NCOA1: variants seen among roughly 807,000 people sequenced by gnomAD.
NCOA1 encodes the protein Hin-2 protein.
NCOA1 carries 35 observed loss-of-function variants against 150.9 expected under a neutral mutation model. The ratio of observed to expected loss-of-function variants is 0.23; its 90% CI spans 0.18 to 0.31. The LOEUF is 0.31. Among genes scored for constraint, NCOA1 ranks in the 10% least tolerant of loss-of-function variants. The pLI is 1.00. For synonymous variants in NCOA1, 590 were observed against 630.0 expected, an observed-to-expected ratio of 0.94 and a Z score of 0.95; for missense variants, 1,491 against 1,749.3, an observed-to-expected ratio of 0.85 and a Z score of 2.63.
chr2:24,625,501 C>A (rs6748433), intron 3 of NCOA1, among the ~76,000 whole-genome samples: 9,173 of 150,820 alleles, frequency 0.061, 294 homozygotes, highest in East Asian at 0.11. Context: ...TGTTTTATTT[C>A]TTTCACTGAT....
intron 22 of NCOA1, 200 bp from the exon 23 acceptor site, chr2:24,768,009 GATTTTATTTTTA>G: frequency 6.6e-7 from 1 of 1,520,426 alleles, no homozygotes. Context: ...TTCCAATTTT[GATTTTATTTTTA>G]AAGTGTGAAC....
chr2:24,634,836 C>G (rs945093562), intron 3 of NCOA1, among the ~76,000 whole-genome samples: 10 of 151,904 alleles, frequency 6.6e-5, no homozygotes, highest in African/African-American at 2.4e-4. Flanking sequence ...TTCAGCCCCC[C>G]AACTGAGTAG....
At chr2:24,534,535 T>C (rs1473286326) in intron 1 of NCOA1, among the ~76,000 whole-genome samples, 8 of 152,164 alleles carry the variant, frequency 5.3e-5, no homozygotes, top group Non-Finnish European at 1.2e-4. Flanking sequence ...CTTTTAATTG[T>C]AATGTTAGGG....
At chr2:24,520,451 G>T (rs1381186143) in intron 1 of NCOA1, among the ~76,000 whole-genome samples, 1 of 152,156 alleles carries the variant, frequency 6.6e-6, no homozygotes, top group Non-Finnish European at 1.5e-5. Context: ...CAACTTGAAT[G>T]AATATCAAAA....
chr2:24,600,190 A>G (rs1241541060), intron 3 of NCOA1, among the ~76,000 whole-genome samples: 1 of 151,964 alleles, frequency 6.6e-6, no homozygotes, highest in Non-Finnish European at 1.5e-5. Context: ...CAGCATTGCG[A>G]TTATGTTTTT....
At chr2:24,623,259 T>C (rs937998789) in intron 3 of NCOA1, among the ~76,000 whole-genome samples, 2 of 152,170 alleles carry the variant, frequency 1.3e-5, no homozygotes, top group African/African-American at 4.8e-5. Flanking sequence ...AAAAGTGATA[T>C]AGTAAGAGTA....
intron 4 of NCOA1, among the ~76,000 whole-genome samples, chr2:24,656,539 CA>C (rs1407258629): frequency 4.6e-5 from 7 of 152,194 alleles, no homozygotes; most frequent in African/African-American, 1.7e-4. Flanking sequence ...TAGTTACCTA[CA>C]ATGCTATAGA....
At position 24,741,915 on chromosome 2, in the gene NCOA1, T is replaced by TCCC. The variant is rs1663622135; in HGVS notation, c.3436_3438dup (p.Pro1146dup). 6.2e-7 allele frequency: 1 copy of TCCC among 1,614,184 alleles called. No homozygotes were observed. The highest frequency in any genetic ancestry group is 8.5e-7 in the Non-Finnish European group (1 of 1,180,024). On this transcript the variant is annotated inframe_insertion, in exon 19 of 23. Coordinates refer to ENST00000348332, the MANE Select transcript of NCOA1 (RefSeq NM_003743.5). ...AGCAAAGCTTTGGGAACAACCTCCC[T>TCCC]CCCTCATCTGGACTACCAGTTCAAA...
intron 22 of NCOA1, among the ~76,000 whole-genome samples, chr2:24,763,034 G>T (rs56208549): frequency 4.5e-4 from 69 of 152,312 alleles, no homozygotes; most frequent in African/African-American, 1.7e-3. Flanking sequence ...TTAACTCAGT[G>T]CTTAGATAGG....
intron 3 of NCOA1, among the ~76,000 whole-genome samples, chr2:24,631,842 C>G (rs1350486184): frequency 6.6e-6 from 1 of 152,132 alleles, no homozygotes; most frequent in Admixed American, 6.5e-5. Context: ...AACTCTATTT[C>G]TGTCATACAA....
intron 1 of NCOA1, among the ~76,000 whole-genome samples, chr2:24,529,164 G>A (rs533566945): frequency 5.3e-5 from 8 of 152,228 alleles, no homozygotes; most frequent in Non-Finnish European, 8.8e-5. Flanking sequence ...GGGATTACAG[G>A]CATGAGCCAC....
intron 11 of NCOA1, among the ~76,000 whole-genome samples, chr2:24,698,069 C>T (rs932877942): frequency 3.3e-5 from 5 of 151,868 alleles, no homozygotes; most frequent in Admixed American, 6.6e-5. Context: ...TCCCAACATA[C>T]GTAGAACACT....
chr2:24,658,555 T>C (rs1227731324), intron 4 of NCOA1, 106 bp from the exon 5 acceptor site: 7 of 724,482 alleles, frequency 9.7e-6, no homozygotes, highest in Non-Finnish European at 1.7e-5. Context: ...TATTCATTGA[T>C]ATAGCACAAT....
intron 3 of NCOA1, among the ~76,000 whole-genome samples, chr2:24,589,600 A>C (rs938669995): frequency 2.7e-5 from 4 of 150,702 alleles, no homozygotes; most frequent in African/African-American, 9.8e-5. Flanking sequence ...GCTTCTGTTG[A>C]GTAGGCATAG....
chr2:24,681,983 G>A (rs1181549547), intron 7 of NCOA1, among the ~76,000 whole-genome samples: 2 of 152,108 alleles, frequency 1.3e-5, no homozygotes, highest in African/African-American at 4.8e-5. Context: ...CAAAATGCTG[G>A]GATTACAGGC....
Position 24,539,948 on chromosome 2 carries a change from T to G in NCOA1, c.-395-24347T>G, listed in dbSNP as rs548202879. 2.0e-5 allele frequency among the ~76,000 whole-genome samples: 3 copies of G among 152,332 alleles called. No homozygotes were observed. The East Asian group carries it at 5.8e-4, about 29-fold the overall frequency. On this transcript the variant is annotated intron_variant, in intron 1 of 22. Coordinates refer to ENST00000348332, the MANE Select transcript of NCOA1 (RefSeq NM_003743.5). ...GATCTGTTTCCATGTGAGAACTGCA[T>G]GTAGGAGCCCTGAGTCTATGAGAGT...
chr2:24,617,078 T>C (rs1668903851), intron 3 of NCOA1, among the ~76,000 whole-genome samples: 1 of 152,132 alleles, frequency 6.6e-6, no homozygotes, highest in Non-Finnish European at 1.5e-5. Context: ...TCCTACAAAC[T>C]TACCATCAAA....
chr2:24,677,585 G>A (rs1441363076), intron 7 of NCOA1, among the ~76,000 whole-genome samples: 1 of 151,988 alleles, frequency 6.6e-6, no homozygotes, highest in East Asian at 1.9e-4. Context: ...CACCATGCCC[G>A]GCTAATTTTT....
intron 3 of NCOA1, among the ~76,000 whole-genome samples, chr2:24,604,430 T>G (rs1345501959): frequency 6.6e-6 from 1 of 152,246 alleles, no homozygotes; most frequent in African/African-American, 2.4e-5. Flanking sequence ...CTGTTTCATC[T>G]ACATTGAAAT....
Sources: gnomAD v4.1 joint callset for allele counts (sites outside exome capture counted in the v4.1 genomes callset) on GRCh38, gnomAD v4.1.1 for gene constraint, MANE v1.5 for transcripts, NCBI Gene and HGNC (gene_info 2026-07-23, HGNC 2026-07-21) for gene names.